Variants in WDTC1 observed in about 807,000 individuals in gnomAD.
WDTC1 encodes WD and tetratricopeptide repeats 1, also known as WD and tetratricopeptide repeats protein 1.
A neutral mutation model predicts 76.0 loss-of-function variants in WDTC1; 12 were observed. The ratio of observed to expected loss-of-function variants is 0.16; its 90% CI spans 0.10 to 0.26. The LOEUF is 0.26. WDTC1 is among the 10% of genes least tolerant of loss of function. WDTC1 has a pLI of 1.00. For synonymous variants in WDTC1, 326 were observed against 350.8 expected (o/e 0.93, Z 0.79); for missense variants, 511 against 908.8 (o/e 0.56, Z 5.63).
chr1:27,276,563 C>G (rs1274436117), intron 3 of WDTC1, among the ~76,000 whole-genome samples: 1 of 151,862 alleles, frequency 6.6e-6, no homozygotes, highest in African/African-American at 2.4e-5. Flanking sequence ...TGTGGTGGCA[C>G]ACACCTGTAG....
chr1:27,235,203 G>C (rs915741741), intron 1 of WDTC1, among the ~76,000 whole-genome samples: 16 of 152,114 alleles, frequency 1.1e-4, no homozygotes, highest in African/African-American at 3.6e-4. Flanking sequence ...GTGGGAGTCC[G>C]GGGAGGCTCT....
At chr1:27,236,457 CA>C (rs1403516544) in intron 1 of WDTC1, among the ~76,000 whole-genome samples, 1 of 152,170 alleles carries the variant, frequency 6.6e-6, no homozygotes, top group East Asian at 1.9e-4. Flanking sequence ...AGTCTTATCT[CA>C]ATTTGAAGGA....
chr1:27,293,449 A>AAAAAG (rs1553132534), intron 7 of WDTC1, among the ~76,000 whole-genome samples: 5 of 150,324 alleles, frequency 3.3e-5, no homozygotes, highest in Non-Finnish European at 7.4e-5. Context: ...AAAAAAAAAA[A>AAAAAG]AAAAGTATAA....
intron 9 of WDTC1, among the ~76,000 whole-genome samples, chr1:27,295,287 A>C (rs560714001): frequency 1.3e-5 from 2 of 152,326 alleles, no homozygotes; most frequent in East Asian, 3.9e-4. Flanking sequence ...TTACAAGGCA[A>C]GGCCCAAATA....
intron 5 of WDTC1, among the ~76,000 whole-genome samples, chr1:27,284,814 G>A (rs1374683320): frequency 6.6e-6 from 1 of 151,740 alleles, no homozygotes; most frequent in Non-Finnish European, 1.5e-5. Context: ...TTTAGGTAGT[G>A]GAAACACTGC....
intron 1 of WDTC1, among the ~76,000 whole-genome samples, chr1:27,235,294 C>A (rs1321186112): frequency 6.6e-6 from 1 of 152,018 alleles, no homozygotes; most frequent in Non-Finnish European, 1.5e-5. Context: ...GCGCCGGAGT[C>A]AGGAAGAAGG....
rs1010742786 is a variant in WDTC1 at position 27,307,291 on chromosome 1, G to A, written c.*908G>A. On this transcript the variant is annotated 3_prime_UTR_variant, in exon 16 of 16. Coordinates refer to ENST00000319394, the MANE Select transcript of WDTC1 (RefSeq NM_001276252.2). This position sits in a 1 kb window ranked among gnomAD's most constrained non-coding sequence, Gnocchi z 4.1. ...ATGCTGAGCCGCCACAAAGACCAAA[G>A]AAGTGATGGCTTTTCTCTGTCCCCT... is the stretch of plus-strand genomic sequence containing the variant. 6.5e-6 allele frequency: 1 copy of A among 153,090 alleles called. No homozygotes were observed. The highest frequency in any genetic ancestry group is 1.5e-5 in the Non-Finnish European group (1 of 68,360). The allele number at this position is 153,090 out of a possible 1,614,324, so 9.5% of individuals were successfully genotyped here.
intron 1 of WDTC1, among the ~76,000 whole-genome samples, chr1:27,236,850 A>T (rs915276245): frequency 2.6e-5 from 4 of 151,774 alleles, no homozygotes; most frequent in South Asian, 2.1e-4. Flanking sequence ...TTATTTATTT[A>T]TTTTTTGAGA....
intron 7 of WDTC1, 49 bp from the exon 8 acceptor site, chr1:27,293,973 C>T (rs1454383511): frequency 6.4e-7 from 1 of 1,572,714 alleles, no homozygotes; most frequent in Non-Finnish European, 8.7e-7. Context: ...TCTGGTCTAG[C>T]CAGGGGCAGT....
At chr1:27,282,200 T>C in intron 3 of WDTC1, 39 bp from the exon 4 acceptor site, 1 of 1,609,404 alleles carries the variant, frequency 6.2e-7, no homozygotes, top group Middle Eastern at 1.7e-4. Context: ...GGAGAACCCC[T>C]AACCAACTCT....
chr1:27,275,193 T>A (rs1312970939), intron 3 of WDTC1, among the ~76,000 whole-genome samples: 1 of 152,216 alleles, frequency 6.6e-6, no homozygotes, highest in East Asian at 1.9e-4. Flanking sequence ...CCATTTTGTT[T>A]CTTATATTAT....
Position 27,296,206 on chromosome 1 carries a change from A to G in WDTC1, c.874-120A>G, listed in dbSNP as rs547985699. On this transcript the variant is annotated intron_variant, in intron 9 of 15. Coordinates refer to ENST00000319394, the MANE Select transcript of WDTC1 (RefSeq NM_001276252.2). ...CCTCTTAGGATAGCTTGATTGTTCTATGCTCAACACTCACTGTGTTCCAAG... is the reference window on the plus strand; with the variant it reads ...CCTCTTAGGATAGCTTGATTGTTCTGTGCTCAACACTCACTGTGTTCCAAG... The G allele has an allele frequency of 3.1e-5, 37 of 1,180,180 alleles. No homozygotes were observed. The African/African-American group carries it at 4.5e-4, about 14-fold the overall frequency. 73.1% of individuals were successfully genotyped at this position (1,180,180 alleles called of 1,614,324 possible). A position where few individuals can be genotyped will look rare whatever the true frequency, so the allele number is the denominator to read the frequency against.
intron 5 of WDTC1, among the ~76,000 whole-genome samples, chr1:27,286,899 A>G (rs1375046821): frequency 6.6e-6 from 1 of 152,106 alleles, no homozygotes; most frequent in Non-Finnish European, 1.5e-5. Context: ...ATTCTGGCTC[A>G]TGCCTACAAT....
At chr1:27,277,943 C>T (rs556715106) in intron 3 of WDTC1, among the ~76,000 whole-genome samples, 29 of 152,206 alleles carry the variant, frequency 1.9e-4, no homozygotes, top group South Asian at 6.2e-4. Context: ...TGGTTTCAAG[C>T]GATTCTCCTG....
Position 27,294,677 on chromosome 1 carries a change from G to A in WDTC1, c.873+48G>A, listed in dbSNP as rs1369384274. ...CTGCCCCATCACCATTCCATGCCCAGCAGCCAGGGGCATGTACCTTATGTT... is the reference window on the plus strand; with the variant it reads ...CTGCCCCATCACCATTCCATGCCCAACAGCCAGGGGCATGTACCTTATGTT... On this transcript the variant is annotated intron_variant, in intron 9 of 15. Coordinates refer to ENST00000319394, the MANE Select transcript of WDTC1 (RefSeq NM_001276252.2). 4.0e-6 allele frequency: 6 copies of A among 1,506,464 alleles called. No homozygotes were observed. The East Asian group carries it at 1.4e-4, about 34-fold the overall frequency. 93.3% of individuals were successfully genotyped at this position (1,506,464 alleles called of 1,614,324 possible).
At chr1:27,269,910 T>TTTTTTG (rs1218394686) in intron 3 of WDTC1, among the ~76,000 whole-genome samples, 5 of 146,600 alleles carry the variant, frequency 3.4e-5, no homozygotes, top group African/African-American at 1.3e-4. Flanking sequence ...ACGCCCGGCC[T>TTTTTTG]TTGTTGTTGT....
At chr1:27,266,309 G>A (rs2147938821) in intron 3 of WDTC1, among the ~76,000 whole-genome samples, 1 of 152,222 alleles carries the variant, frequency 6.6e-6, no homozygotes. Context: ...TGAATGTGTT[G>A]ATTTTTACAG....
chr1:27,258,765 T>C (rs2012374346), intron 1 of WDTC1, among the ~76,000 whole-genome samples: 1 of 152,130 alleles, frequency 6.6e-6, no homozygotes, highest in South Asian at 2.1e-4. Flanking sequence ...TGTGGTTAAA[T>C]GACAGAGGAA....
At chr1:27,247,131 A>T (rs2011867093) in intron 1 of WDTC1, among the ~76,000 whole-genome samples, 1 of 151,652 alleles carries the variant, frequency 6.6e-6, no homozygotes. Flanking sequence ...ATCTCAGCTC[A>T]CTGCAACCTC....
Sources: gnomAD v4.1 joint callset for allele counts (sites outside exome capture counted in the v4.1 genomes callset) on GRCh38, gnomAD v4.1.1 for gene constraint, Gnocchi (gnomAD v3.1) non-coding constraint, MANE v1.5 for transcripts, NCBI Gene and HGNC (gene_info 2026-07-23, HGNC 2026-07-21) for gene names.